The following RABGEF1 variants were observed in gnomAD, a reference collection of about 807,000 sequenced individuals.
The protein encoded by RABGEF1 is RAB guanine nucleotide exchange factor 1.
In RABGEF1, 26 loss-of-function variants were observed where a neutral mutation model predicts 57.3. The observed-to-expected ratio is 0.45, with a 90% CI of 0.33 to 0.63. The LOEUF is 0.63. Among genes scored for constraint, RABGEF1 ranks in the 20% least tolerant of loss-of-function variants. The pLI is 0.02. For synonymous variants in RABGEF1, 185 were observed against 210.7 expected (o/e 0.88, Z 1.06); for missense variants, 464 against 607.6 (o/e 0.76, Z 2.48).
At chr7:66,682,420 C>T (rs1295873802) in intron 1 of RABGEF1, among the ~76,000 whole-genome samples, 1 of 152,214 alleles carries the variant, frequency 6.6e-6, no homozygotes, top group Non-Finnish European at 1.5e-5. Flanking sequence ...GCGCCGCCTG[C>T]CCCGTTTCAG....
At chr7:66,744,536 C>T (rs189407309) in intron 1 of RABGEF1, among the ~76,000 whole-genome samples, 3,784 of 151,802 alleles carry the variant, frequency 0.025, 75 homozygotes, top group Admixed American at 0.039. Flanking sequence ...GGCATGGTGG[C>T]AGGCGCCTGT....
intron 1 of RABGEF1, among the ~76,000 whole-genome samples, chr7:66,767,000 C>CTTTTTT (rs34123866): frequency 1.6e-4 from 16 of 102,586 alleles, no homozygotes; most frequent in East Asian, 3.1e-4. Flanking sequence ...TGTCAAGTTT[C>CTTTTTT]TTTTTTTTTT....
the RABGEF1 span, among the ~76,000 whole-genome samples, chr7:66,676,157 T>C: frequency 6.6e-6 from 1 of 152,062 alleles, no homozygotes; most frequent in Non-Finnish European, 1.5e-5. Flanking sequence ...TCATCTCCAC[T>C]AAAAATACAA....
chr7:66,728,699 C>G (rs1255421439), intron 2 of RABGEF1, among the ~76,000 whole-genome samples: 2 of 26,036 alleles, frequency 7.7e-5, no homozygotes, highest in East Asian at 1.9e-3. Context: ...ATCATCCTCA[C>G]CTCAACTTTC....
chr7:66,746,289 AT>A (rs544797588), intron 1 of RABGEF1, among the ~76,000 whole-genome samples: 88 of 146,522 alleles, frequency 6.0e-4, no homozygotes, highest in East Asian at 3.6e-3. Context: ...AGGAAGTGTG[AT>A]TTTTTTTTTT....
At chr7:66,741,347 G>A (rs1798898555) in intron 1 of RABGEF1, among the ~76,000 whole-genome samples, 1 of 152,178 alleles carries the variant, frequency 6.6e-6, no homozygotes, top group Non-Finnish European at 1.5e-5. Flanking sequence ...CTGTGGTCCT[G>A]ACTTCCACCC....
rs1399716519 is a variant in RABGEF1, at chr7:66,810,172, C to T, written c.*888C>T. 1.3e-5 allele frequency: 2 copies of T among 152,162 alleles called. No individual in the cohort carries two copies. Among genetic ancestry groups the T allele is most frequent in the African/African-American group, 4.8e-5 (2 of 41,444 alleles). The allele number at this position is 152,162 out of a possible 1,614,324, so 9.4% of individuals were successfully genotyped here. The stretch of plus-strand genomic sequence containing the variant: ...GGTGAGAGGTGACGGGGTCCCTCAG[C>T]TGTGAGATGCAAGGGGCGCCTTGCA... On this transcript the variant is annotated 3_prime_UTR_variant, in exon 9 of 9. Transcript: ENST00000284957.
At chr7:66,682,188 G>C (rs1159508734) in exon 1 of RABGEF1, 1 of 167,596 alleles carries the variant, frequency 6.0e-6, no homozygotes, top group Non-Finnish European at 1.5e-5. Context: ...CGACGTGGGC[G>C]AGCGGTGACC....
intron 7 of RABGEF1, among the ~76,000 whole-genome samples, chr7:66,804,337 A>G (rs1008735401): frequency 1.3e-5 from 2 of 152,168 alleles, no homozygotes; most frequent in Non-Finnish European, 2.9e-5. Context: ...ACTGTCGAAA[A>G]ACATTCTAAA....
chr7:66,778,333 A>G (rs1809026758), intron 3 of RABGEF1, among the ~76,000 whole-genome samples: 1 of 152,222 alleles, frequency 6.6e-6, no homozygotes, highest in Admixed American at 6.5e-5. Context: ...ATATCTTCAC[A>G]TTCTTTTAGA....
intron 4 of RABGEF1, among the ~76,000 whole-genome samples, chr7:66,787,133 C>T (rs530133059): frequency 2.0e-4 from 30 of 150,584 alleles, no homozygotes; most frequent in African/African-American, 7.1e-4. Context: ...TTCCAGTGAT[C>T]GTCCTCCCTC....
At chr7:66,760,287 C>A (rs1803954665) in intron 1 of RABGEF1, among the ~76,000 whole-genome samples, 1 of 152,138 alleles carries the variant, frequency 6.6e-6, no homozygotes, top group South Asian at 2.1e-4. Flanking sequence ...GAGTATGTGA[C>A]CTTTTAAGAT....
the RABGEF1 span, among the ~76,000 whole-genome samples, chr7:66,674,422 A>G: frequency 6.6e-6 from 1 of 152,014 alleles, no homozygotes; most frequent in Non-Finnish European, 1.5e-5. Context: ...TCCTGAGCTC[A>G]GGTGATCCAC....
chr7:66,739,510 A>G (rs535123164), upstream of RABGEF1, among the ~76,000 whole-genome samples: 11 of 151,618 alleles, frequency 7.3e-5, no homozygotes, highest in South Asian at 2.1e-4. Context: ...AAAAAAAAAA[A>G]TATGAGCTGG....
intron 1 of RABGEF1, among the ~76,000 whole-genome samples, chr7:66,688,298 G>A (rs1033073988): frequency 7.2e-5 from 11 of 152,042 alleles, no homozygotes; most frequent in African/African-American, 2.7e-4. Context: ...TAGAATTGAA[G>A]GGAAAAGAAG....
chr7:66,765,472 C>T (rs1004168967), intron 1 of RABGEF1, among the ~76,000 whole-genome samples: 3 of 151,962 alleles, frequency 2.0e-5, no homozygotes, highest in Non-Finnish European at 2.9e-5. Context: ...CTGGAACCAG[C>T]TTAAGAAAAA....
At chr7:66,696,851 A>G (rs1792424017) in intron 1 of RABGEF1, among the ~76,000 whole-genome samples, 1 of 152,100 alleles carries the variant, frequency 6.6e-6, no homozygotes, top group Admixed American at 6.5e-5. Context: ...TGAATAAGCA[A>G]GTTATTGGGC....
chr7:66,782,580 C>T (rs2129140013), intron 3 of RABGEF1, among the ~76,000 whole-genome samples: 1 of 151,662 alleles, frequency 6.6e-6, no homozygotes, highest in Non-Finnish European at 1.5e-5. Flanking sequence ...AAGCGATCCT[C>T]CTGCTTTAAC....
chr7:66,692,468 G>A (rs1791663066), intron 1 of RABGEF1, among the ~76,000 whole-genome samples: 1 of 152,238 alleles, frequency 6.6e-6, no homozygotes, highest in African/African-American at 2.4e-5. Context: ...CCAAGGCACA[G>A]TGGCCCTGCC....
Sources: gnomAD v4.1 joint callset for allele counts (sites outside exome capture counted in the v4.1 genomes callset) on GRCh38, gnomAD v4.1.1 for gene constraint, MANE v1.5 for transcripts, NCBI Gene and HGNC (gene_info 2026-07-23, HGNC 2026-07-21) for gene names.